SPIDR: variants seen among roughly 807,000 people sequenced by gnomAD.
SPIDR encodes the protein DNA repair-scaffolding protein.
In SPIDR, 93 loss-of-function variants were observed where a neutral mutation model predicts 104.6. That is an observed-to-expected ratio of 0.89 (90% CI 0.75 to 1.06). The LOEUF (loss-of-function observed/expected upper bound fraction) is 1.06, where lower values mean the gene tolerates loss of function less well. Ranked by LOEUF, SPIDR falls within the 50% of genes least tolerant of loss-of-function variation. The probability of loss-of-function intolerance (pLI) is 0.00; values close to 1 mark genes in which losing one functional copy is unlikely to be tolerated. For missense variants in SPIDR, 1,154 were observed against 1,111.2 expected (o/e 1.04, Z -0.55); for synonymous variants, 431 against 416.9 (o/e 1.03, Z -0.41).
chr8:47,561,170 T>A (rs908398110), intron 8 of SPIDR, among the ~76,000 whole-genome samples: 1 of 152,194 alleles, frequency 6.6e-6, no homozygotes, highest in African/African-American at 2.4e-5. Flanking sequence ...CTTAATGACT[T>A]CCTCCATGGC....
chr8:47,499,911 C>T (rs141697712), intron 8 of SPIDR, among the ~76,000 whole-genome samples: 5 of 151,912 alleles, frequency 3.3e-5, no homozygotes, highest in East Asian at 1.9e-4. Context: ...TTTGTCCTTG[C>T]GATAGTTTGC....
At chr8:47,353,324 C>T (rs1338261749) in intron 5 of SPIDR, among the ~76,000 whole-genome samples, 4 of 152,320 alleles carry the variant, frequency 2.6e-5, no homozygotes, top group Middle Eastern at 3.4e-3. Context: ...CATAACTTCA[C>T]CGCCTCTTAC....
intron 8 of SPIDR, among the ~76,000 whole-genome samples, chr8:47,491,144 C>T (rs1461821701): frequency 4.6e-5 from 7 of 152,006 alleles, no homozygotes; most frequent in Non-Finnish European, 8.8e-5. Flanking sequence ...AACATGAATA[C>T]AGAAGTTGTT....
At chr8:47,587,013 G>A (rs759299343) in intron 8 of SPIDR, among the ~76,000 whole-genome samples, 5 of 152,082 alleles carry the variant, frequency 3.3e-5, no homozygotes, top group South Asian at 2.1e-4. Flanking sequence ...CAGTTGATCC[G>A]TCAGCCTTGG....
intron 5 of SPIDR, among the ~76,000 whole-genome samples, chr8:47,349,683 C>G (rs566268274): frequency 6.6e-6 from 1 of 152,364 alleles, no homozygotes; most frequent in Non-Finnish European, 1.5e-5. Flanking sequence ...ATGGCAGTCG[C>G]ACCTCCCCCA....
chr8:47,592,771 A>C (rs1177173813), intron 8 of SPIDR, among the ~76,000 whole-genome samples: 2 of 152,216 alleles, frequency 1.3e-5, no homozygotes, highest in Admixed American at 6.5e-5. Flanking sequence ...TGTTACAATA[A>C]AAATTTAGAA....
At chr8:47,557,132 A>G (rs1221565799) in intron 8 of SPIDR, among the ~76,000 whole-genome samples, 1 of 152,152 alleles carries the variant, frequency 6.6e-6, no homozygotes, top group Non-Finnish European at 1.5e-5. Flanking sequence ...TTTTACTGAT[A>G]ATGAGACTTC....
At chr8:47,595,757 A>G (rs2061566792) in intron 8 of SPIDR, 54 bp from the exon 9 acceptor site, 1 of 1,553,506 alleles carries the variant, frequency 6.4e-7, no homozygotes. Context: ...TAGCAAGAAT[A>G]TGAGGGGACC....
Position 47,554,556 on chromosome 8 carries a change from C to T in SPIDR, c.1098-41255C>T, listed in dbSNP as rs193051834. Among the ~76,000 whole-genome samples, 607 of 152,294 alleles carry T rather than the reference C, an allele frequency of 4.0e-3. 7 individuals are homozygous for T. Among genetic ancestry groups the T allele is most frequent in the African/African-American group, 0.014 (569 of 41,576 alleles). ...GGCATGGAACCCTCTGAGCCATGCG[C>T]GGGATATAATCTCCTGGTGTGCCAT... On this transcript the variant is annotated intron_variant, in intron 8 of 19. Transcript: ENST00000297423.
At chr8:47,389,804 T>C (rs2060369560) in intron 5 of SPIDR, among the ~76,000 whole-genome samples, 1 of 150,968 alleles carries the variant, frequency 6.6e-6, no homozygotes, top group South Asian at 2.1e-4. Flanking sequence ...TTAAGAAATG[T>C]GGTTGATGTT....
At chr8:47,626,133 G>A (rs1327611247) in intron 10 of SPIDR, among the ~76,000 whole-genome samples, 1 of 152,126 alleles carries the variant, frequency 6.6e-6, no homozygotes, top group African/African-American at 2.4e-5. Flanking sequence ...AACAAGCAAT[G>A]GGGAAAGGAT....
At chr8:47,465,835 T>A (rs2074681801) in intron 8 of SPIDR, among the ~76,000 whole-genome samples, 1 of 151,760 alleles carries the variant, frequency 6.6e-6, no homozygotes. Context: ...AAAAGAAAAA[T>A]CTACCAAGCA....
chr8:47,324,109 A>G (rs1232046160), intron 5 of SPIDR, among the ~76,000 whole-genome samples: 1 of 152,142 alleles, frequency 6.6e-6, no homozygotes, highest in Non-Finnish European at 1.5e-5. Context: ...ATAATAAAAA[A>G]TTTCTTATGA....
At chr8:47,341,727 A>C (rs896021628) in intron 5 of SPIDR, among the ~76,000 whole-genome samples, 21 of 152,210 alleles carry the variant, frequency 1.4e-4, no homozygotes, top group Non-Finnish European at 2.6e-4. Flanking sequence ...TTTGTCGCTC[A>C]TGGTGGAAAA....
chr8:47,493,718 G>A (rs78068286), intron 8 of SPIDR, among the ~76,000 whole-genome samples: 1 of 152,046 alleles, frequency 6.6e-6, no homozygotes, highest in African/African-American at 2.4e-5. Flanking sequence ...ACTTGAAAAT[G>A]TTCCATCTAG....
At chr8:47,301,455 C>G (rs1554577351) in intron 5 of SPIDR, among the ~76,000 whole-genome samples, 5 of 152,156 alleles carry the variant, frequency 3.3e-5, no homozygotes, top group African/African-American at 1.2e-4. Flanking sequence ...TTTAAGGTTA[C>G]TACTGTTATG....
chr8:47,648,385 G>A (rs947370548), intron 10 of SPIDR, among the ~76,000 whole-genome samples: 1 of 152,250 alleles, frequency 6.6e-6, no homozygotes, highest in East Asian at 1.9e-4. Context: ...TGAGGGACCT[G>A]TGAGTCACAA....
intron 8 of SPIDR, among the ~76,000 whole-genome samples, chr8:47,490,538 C>G (rs781797337): frequency 1.3e-5 from 2 of 152,200 alleles, no homozygotes; most frequent in Non-Finnish European, 2.9e-5. Context: ...TGTAAAGACA[C>G]ATGCACATGT....
intron 5 of SPIDR, among the ~76,000 whole-genome samples, chr8:47,325,147 A>G (rs1554599588): frequency 6.6e-6 from 1 of 152,222 alleles, no homozygotes. Context: ...TAATAGTGCT[A>G]TAAAGAGAAG....
Sources: allele counts gnomAD v4.1 joint callset (sites outside exome capture counted in the v4.1 genomes callset), GRCh38; gene constraint gnomAD v4.1.1; transcripts MANE v1.5; gene names NCBI Gene and HGNC (gene_info 2026-07-23, HGNC 2026-07-21).